The following ARHGAP29 variants were observed in gnomAD, a reference collection of about 807,000 sequenced individuals.
ARHGAP29 encodes the protein Rho GTPase activating protein 29, also known as rho GTPase-activating protein 29.
In ARHGAP29, 43 loss-of-function variants were observed where a neutral mutation model predicts 122.6. That is an observed-to-expected ratio of 0.35 (90% CI 0.27 to 0.45). The LOEUF is 0.45. Among genes scored for constraint, ARHGAP29 ranks in the 20% least tolerant of loss-of-function variants. The pLI is 1.00. For synonymous variants in ARHGAP29, 506 were observed against 497.1 expected (o/e 1.02, Z -0.24); for missense variants, 1,303 against 1,477.2 (o/e 0.88, Z 1.93).
chr1:94,239,216 C>A (rs1653478973), upstream of ARHGAP29, among the ~76,000 whole-genome samples: 1 of 152,122 alleles, frequency 6.6e-6, no homozygotes, highest in Admixed American at 6.5e-5. Flanking sequence ...GTCCCCAGGC[C>A]AAGGGGAGGC....
intron 12 of ARHGAP29, chr1:94,191,962 C>G (rs1319160615): frequency 6.6e-6 from 1 of 152,138 alleles, no homozygotes; most frequent in Non-Finnish European, 1.5e-5. Context: ...CGTAGTCAAT[C>G]TTAGCTATTA....
Position 94,186,533 on chromosome 1 carries a change from T to C in ARHGAP29, c.1746A>G (p.Leu582=). The change falls in exon 16 of 23, where the codon CTA becomes CTG. Residue 582 remains leucine (L), a synonymous_variant. Coordinates refer to ENST00000260526, the MANE Select transcript of ARHGAP29 (RefSeq NM_004815.4). Reference sequence around the variant, plus strand: ...AAGGGGAAGGTGGCTCTCTTTCATCTAGATCATCTGCAGAGGACATAGTTC... The same window carrying C: ...AAGGGGAAGGTGGCTCTCTTTCATCCAGATCATCTGCAGAGGACATAGTTC... ...SSGTMSSADD[L]DEREPPSPSE... 1.2e-6 allele frequency: 2 copies of C among 1,613,836 alleles called. No homozygotes were observed. Among genetic ancestry groups the C allele is most frequent in the Non-Finnish European group, 1.7e-6 (2 of 1,179,812 alleles).
chr1:94,235,020 T>C (rs375424091), intron 1 of ARHGAP29, among the ~76,000 whole-genome samples: 16 of 152,164 alleles, frequency 1.1e-4, no homozygotes, highest in African/African-American at 3.9e-4. Context: ...AGACAAGACT[T>C]AAAAAATCTG....
At chr1:94,289,821 C>T in the ARHGAP29 span, among the ~76,000 whole-genome samples, 4 of 152,300 alleles carry the variant, frequency 2.6e-5, no homozygotes, top group African/African-American at 9.6e-5. Context: ...TTGAACCAGC[C>T]TTACATCCCA....
chr1:94,220,173 T>C (rs956153813), intron 3 of ARHGAP29, 85 bp downstream of exon 3: 1 of 1,415,946 alleles, frequency 7.1e-7, no homozygotes, highest in Non-Finnish European at 9.8e-7. Flanking sequence ...ATGAGAGGAA[T>C]TGGCTATATA....
upstream of ARHGAP29, among the ~76,000 whole-genome samples, chr1:94,278,092 A>G (rs1367945268): frequency 6.6e-6 from 1 of 152,146 alleles, no homozygotes; most frequent in East Asian, 1.9e-4. Flanking sequence ...AAGGTTGGAG[A>G]AGTGCTTGAG....
At chr1:94,216,337 T>C (rs1651954498) in intron 3 of ARHGAP29, among the ~76,000 whole-genome samples, 3 of 152,174 alleles carry the variant, frequency 2.0e-5, no homozygotes, top group African/African-American at 7.2e-5. Flanking sequence ...GAGGAAACCC[T>C]TTATGTGCAG....
chr1:94,201,694 T>C, intron 12 of ARHGAP29, 26 bp downstream of exon 12: 2 of 1,612,486 alleles, frequency 1.2e-6, no homozygotes, highest in Non-Finnish European at 1.7e-6. Context: ...TCTTCTTGCC[T>C]TCAAAATACT....
At chr1:94,178,921 G>A (rs1392460511) in intron 20 of ARHGAP29, among the ~76,000 whole-genome samples, 4 of 152,082 alleles carry the variant, frequency 2.6e-5, no homozygotes, top group African/African-American at 9.7e-5. Context: ...TTTGTGCCTG[G>A]AATGCTCTTC....
rs757192020 is a variant in ARHGAP29, at chr1:94,173,490, T to A, written c.*379A>T. On this transcript the variant is annotated 3_prime_UTR_variant, in exon 23 of 23. Transcript: ENST00000260526. ...TTTTATAAATAAGCACTTATAACAG[T>A]TCCACTCCAAAAAATAAACCTGATT... is the stretch of plus-strand genomic sequence containing the variant. 3.3e-4 allele frequency: 57 copies of A among 170,832 alleles called. No homozygotes were observed. The highest frequency in any genetic ancestry group is 6.4e-4 in the Non-Finnish European group (50 of 78,282). 10.6% of individuals were successfully genotyped at this position (170,832 alleles called of 1,614,324 possible). A position where few individuals can be genotyped will look rare whatever the true frequency, so the allele number is the denominator to read the frequency against.
chr1:94,232,250 A>C (rs1652960432), intron 1 of ARHGAP29, among the ~76,000 whole-genome samples: 1 of 61,566 alleles, frequency 1.6e-5, no homozygotes, highest in Non-Finnish European at 3.7e-5. Flanking sequence ...TCCTGACAAC[A>C]CCTATCTCAT....
chr1:94,197,736 G>T (rs141404321), intron 12 of ARHGAP29, among the ~76,000 whole-genome samples: 35 of 152,232 alleles, frequency 2.3e-4, no homozygotes, highest in South Asian at 1.2e-3. Flanking sequence ...CATATTTACA[G>T]GCTAAAAACA....
intron 12 of ARHGAP29, among the ~76,000 whole-genome samples, chr1:94,200,302 T>C (rs1398446689): frequency 6.6e-6 from 1 of 152,222 alleles, no homozygotes; most frequent in African/African-American, 2.4e-5. Flanking sequence ...TTTGAAAAGA[T>C]GCTCAATATC....
chr1:94,193,412 A>T (rs1570512308), intron 12 of ARHGAP29: 1 of 152,064 alleles, frequency 6.6e-6, no homozygotes, highest in East Asian at 1.9e-4. Flanking sequence ...AAAACTTCTC[A>T]AATTTTTCAA....
chr1:94,189,405 A>G, intron 13 of ARHGAP29, 53 bp from the exon 14 acceptor site: 3 of 1,515,028 alleles, frequency 2.0e-6, no homozygotes, highest in Non-Finnish European at 2.7e-6. Flanking sequence ...AAGAATAATA[A>G]TCAGTTGATT....
At chr1:94,176,535 G>A (rs1057398586) in intron 22 of ARHGAP29, 4 of 152,174 alleles carry the variant, frequency 2.6e-5, no homozygotes, top group Admixed American at 2.0e-4. Context: ...CTATTATGAA[G>A]ATCAAATAGA....
chr1:94,295,944 T>G, the ARHGAP29 span, among the ~76,000 whole-genome samples: 1 of 152,114 alleles, frequency 6.6e-6, no homozygotes, highest in African/African-American at 2.4e-5. Flanking sequence ...TACCAGAACC[T>G]GGAAGAAGGC....
At chr1:94,176,670 C>A (rs1360767006) in intron 22 of ARHGAP29, 1 of 152,026 alleles carries the variant, frequency 6.6e-6, no homozygotes, top group Admixed American at 6.6e-5. Context: ...TGCAATGGCA[C>A]GTTCTCGCCT....
the ARHGAP29 span, among the ~76,000 whole-genome samples, chr1:94,298,132 G>A: frequency 6.6e-6 from 1 of 152,182 alleles, no homozygotes; most frequent in South Asian, 2.1e-4. Flanking sequence ...CTTGTAGATT[G>A]TGACAGTGTA....
Sources: allele counts gnomAD v4.1 joint callset (sites outside exome capture counted in the v4.1 genomes callset), GRCh38; gene constraint gnomAD v4.1.1; transcripts MANE v1.5; gene names NCBI Gene and HGNC (gene_info 2026-07-23, HGNC 2026-07-21).